HTR1E: variants seen among roughly 807,000 people sequenced by gnomAD.
HTR1E encodes the protein 5-HT-1E.
In HTR1E, 3 loss-of-function variants were observed where a neutral mutation model predicts 3.4. The observed-to-expected ratio is 0.89, with a 90% CI of 0.41 to 2.31. HTR1E has a LOEUF of 2.31. Ranked by LOEUF, HTR1E falls within the 30% of genes most tolerant of loss-of-function variation. The pLI is 0.05. For synonymous variants in HTR1E, 170 were observed against 182.8 expected (o/e 0.93, Z 0.56); for missense variants, 392 against 467.0 (o/e 0.84, Z 1.48).
chr6:86,966,720 T>A (rs566422907), intron 1 of HTR1E, among the ~76,000 whole-genome samples: 10 of 152,252 alleles, frequency 6.6e-5, no homozygotes, highest in Middle Eastern at 3.4e-3. Context: ...AGTCTGAGTA[T>A]GGAATGCTGA....
At chr6:86,957,863 C>A (rs935511290) in intron 1 of HTR1E, among the ~76,000 whole-genome samples, 1 of 152,148 alleles carries the variant, frequency 6.6e-6, no homozygotes, top group African/African-American at 2.4e-5. Flanking sequence ...TACAGGAGCA[C>A]AGTGGTGGAT....
intron 1 of HTR1E, among the ~76,000 whole-genome samples, chr6:86,952,875 T>C (rs545412042): frequency 6.6e-6 from 1 of 152,284 alleles, no homozygotes; most frequent in South Asian, 2.1e-4. Flanking sequence ...AGCAACATCA[T>C]ACATTGGTTA....
chr6:87,010,359 G>A (rs1390752394), intron 1 of HTR1E, among the ~76,000 whole-genome samples: 25 of 110,140 alleles, frequency 2.3e-4, no homozygotes, highest in African/African-American at 6.6e-4. Context: ...CTGGCCGGGC[G>A]GGGGGCTGAC....
intron 1 of HTR1E, among the ~76,000 whole-genome samples, chr6:86,945,596 G>T (rs1420068591): frequency 2.6e-5 from 4 of 151,956 alleles, no homozygotes; most frequent in Admixed American, 2.6e-4. Flanking sequence ...ATAGAAAAAA[G>T]TTTATAAAAT....
At chr6:86,957,225 A>G (rs1767339008) in intron 1 of HTR1E, among the ~76,000 whole-genome samples, 1 of 152,212 alleles carries the variant, frequency 6.6e-6, no homozygotes, top group Non-Finnish European at 1.5e-5. Flanking sequence ...CATTTGTGAG[A>G]CTTTTCAAAA....
intron 1 of HTR1E, among the ~76,000 whole-genome samples, chr6:87,005,670 A>AG (rs1768092436): frequency 6.6e-6 from 1 of 152,212 alleles, no homozygotes; most frequent in Non-Finnish European, 1.5e-5. Context: ...TCTCCAAGAC[A>AG]TTAGTCTGGA....
intron 1 of HTR1E, among the ~76,000 whole-genome samples, chr6:87,001,063 T>G (rs186589013): frequency 6.6e-6 from 1 of 152,314 alleles, no homozygotes; most frequent in Admixed American, 6.5e-5. Flanking sequence ...ATTTATGAAA[T>G]TAGTCTGTTT....
At position 86,985,207 on chromosome 6, in the gene HTR1E, T is replaced by C. The variant is rs971338731; in HGVS notation, c.-185-29943T>C. 2.0e-5 allele frequency among the ~76,000 whole-genome samples: 3 copies of C among 152,236 alleles called. No homozygotes were observed. The East Asian group carries it at 5.8e-4, about 29-fold the overall frequency. Reference sequence around the variant, plus strand: ...TATAGGAGACAGGCCTGAGCAGTGCTGGGTTACCTCAAAGCAAATCAAGTA... The same window carrying C: ...TATAGGAGACAGGCCTGAGCAGTGCCGGGTTACCTCAAAGCAAATCAAGTA... On this transcript the variant is annotated intron_variant, in intron 1 of 1. Coordinates refer to ENST00000305344, the MANE Select transcript of HTR1E (RefSeq NM_000865.3).
At chr6:87,006,922 G>C (rs555450028) in intron 1 of HTR1E, among the ~76,000 whole-genome samples, 25 of 152,234 alleles carry the variant, frequency 1.6e-4, no homozygotes, top group Non-Finnish European at 3.1e-4. Context: ...GGGCCTGCGG[G>C]GGGAGTGGAA....
intron 1 of HTR1E, among the ~76,000 whole-genome samples, chr6:86,968,803 T>A (rs548752400): frequency 6.6e-5 from 10 of 152,318 alleles, no homozygotes; most frequent in Non-Finnish European, 1.2e-4. Flanking sequence ...CTAGTTTTAA[T>A]AACTTAGTGT....
chr6:87,000,464 C>T (rs1426076213), intron 1 of HTR1E, among the ~76,000 whole-genome samples: 1 of 151,962 alleles, frequency 6.6e-6, no homozygotes, highest in East Asian at 1.9e-4. Flanking sequence ...AATCAAACTC[C>T]CAAAGGATAA....
intron 1 of HTR1E, among the ~76,000 whole-genome samples, chr6:86,955,052 T>C (rs1420821647): frequency 6.6e-6 from 1 of 152,156 alleles, no homozygotes; most frequent in Non-Finnish European, 1.5e-5. Flanking sequence ...TTCTTATGAC[T>C]TTACCACACT....
chr6:86,951,264 G>A (rs1428968498), intron 1 of HTR1E, among the ~76,000 whole-genome samples: 1 of 152,108 alleles, frequency 6.6e-6, no homozygotes, highest in African/African-American at 2.4e-5. Context: ...GTATTATCTT[G>A]TCTACACTGA....
chr6:87,010,647 G>C lies in HTR1E; in HGVS notation c.-185-4503G>C, dbSNP rs534085288. Among the ~76,000 whole-genome samples, 20 of 145,420 alleles carry C rather than the reference G, an allele frequency of 1.4e-4. 1 individual carries two copies. Among genetic ancestry groups the C allele is most frequent in the Admixed American group, 8.8e-4 (13 of 14,730 alleles). ...GATGGGATGGCGGCCGGGCGGAGAC[G>C]CTCCTCACTTTCCAGACTGGGCAGC... On this transcript the variant is annotated intron_variant, in intron 1 of 1. Coordinates refer to ENST00000305344, the MANE Select transcript of HTR1E (RefSeq NM_000865.3).
intron 1 of HTR1E, among the ~76,000 whole-genome samples, chr6:86,964,175 C>T (rs16878044): frequency 0.16 from 24,166 of 152,008 alleles, 2,218 homozygotes; most frequent in East Asian, 0.29. Context: ...ATCATGTGAC[C>T]GTGAAGAAAG....
Position 87,016,387 on chromosome 6 carries a change from T to C in HTR1E, c.1053T>C (p.Phe351=), listed in dbSNP as rs746219266. ...TCTATACGAGTTTTAATGAAGACTT[T>C]AAGCTGGCTTTTAAAAAGCTCATTA... is the stretch of plus-strand genomic sequence containing the variant. ...PLLYTSFNED[F]KLAFKKLIRC... The change falls in exon 2 of 2, where the codon TTT becomes TTC. Residue 351 remains phenylalanine (F), a synonymous_variant. Transcript: ENST00000305344. 2.7e-5 allele frequency: 43 copies of C among 1,607,540 alleles called. 1 individual carries two copies. In the South Asian group the frequency reaches 4.5e-4, roughly 17 times the overall value.
chr6:86,950,194 A>G (rs1254556041), intron 1 of HTR1E, among the ~76,000 whole-genome samples: 1 of 152,160 alleles, frequency 6.6e-6, no homozygotes, highest in Non-Finnish European at 1.5e-5. Flanking sequence ...AAATTTCACT[A>G]TTCTTGAAAA....
chr6:86,978,409 A>C (rs1767667980), intron 1 of HTR1E, among the ~76,000 whole-genome samples: 1 of 152,186 alleles, frequency 6.6e-6, no homozygotes, highest in African/African-American at 2.4e-5. Context: ...TTAAGAACAT[A>C]CGTTACATCA....
At chr6:86,971,224 T>C (rs1179178951) in intron 1 of HTR1E, 4 of 356,364 alleles carry the variant, frequency 1.1e-5, no homozygotes, top group Non-Finnish European at 2.1e-5. Flanking sequence ...TATAATCTAA[T>C]CCATTAGTAA....
Sources: allele counts gnomAD v4.1 joint callset (sites outside exome capture counted in the v4.1 genomes callset), GRCh38; gene constraint gnomAD v4.1.1; transcripts MANE v1.5; gene names NCBI Gene and HGNC (gene_info 2026-07-23, HGNC 2026-07-21).